COL6A6: variants seen among roughly 807,000 people sequenced by gnomAD.
COL6A6 encodes collagen alpha-6(VI) chain.
In COL6A6, 183 loss-of-function variants were observed where a neutral mutation model predicts 208.6. The observed-to-expected ratio is 0.88, with a 90% CI of 0.78 to 0.99. COL6A6 has a LOEUF of 0.99. Ranked by LOEUF, COL6A6 falls within the 50% of genes least tolerant of loss-of-function variation. The pLI is 0.00. For synonymous variants in COL6A6, 973 were observed against 1,011.8 expected (o/e 0.96, Z 0.73); for missense variants, 2,816 against 2,815.2 (o/e 1.00, Z -0.01).
chr3:130,655,041 G>A (rs781590819), intron 33 of COL6A6, among the ~76,000 whole-genome samples: 6 of 152,062 alleles, frequency 3.9e-5, no homozygotes, highest in Non-Finnish European at 5.9e-5. Flanking sequence ...CATCTCAAAG[G>A]GCCAATCATA....
In COL6A6 at chr3:130,563,412, G is replaced by A. The variant is rs773015252; in HGVS notation, c.409G>A (p.Val137Ile). The A allele has an allele frequency of 6.2e-7, 1 of 1,614,018 alleles. No homozygotes were observed. The highest frequency in any genetic ancestry group is 1.1e-5 in the South Asian group (1 of 91,082). Residue 137 changes from valine to isoleucine, a missense_variant, in exon 3 of 37, where the codon GTC becomes ATC. Val to Ile is a conservative substitution (Grantham distance 29, BLOSUM62 3). Coordinates refer to ENST00000358511, the MANE Select transcript of COL6A6 (RefSeq NM_001102608.3). ...GAAACAGTTTCCCCCAATTCTAGTG[G>A]TCCTGGCTTCATCTGAGTCTGAGGA... Reference protein sequence around the residue: ...DKKQFPPILVVLASSESEDNV... With the variant: ...DKKQFPPILVILASSESEDNV...
At chr3:130,531,975 G>T (rs908171721) in intron 1 of COL6A6, among the ~76,000 whole-genome samples, 3 of 152,158 alleles carry the variant, frequency 2.0e-5, no homozygotes, top group Non-Finnish European at 2.9e-5. Flanking sequence ...GTTTTGGGAG[G>T]TGTGTTTAGG....
Position 130,657,128 on chromosome 3 carries a change from G to A in COL6A6, c.5734-1548G>A, listed in dbSNP as rs145882014. Among the ~76,000 whole-genome samples the A allele has an allele frequency of 2.7e-4, 41 of 152,372 alleles. No individual in the cohort carries two copies. The East Asian group carries it at 7.1e-3, about 27-fold the overall frequency. ...GGTCTGGAGCCACAGCTGGATGGCC[G>A]CAGCTGCATTCAAGGAGCAGGAGGC... On this transcript the variant is annotated intron_variant, in intron 33 of 36. Transcript: ENST00000358511.
intron 31 of COL6A6, among the ~76,000 whole-genome samples, chr3:130,644,151 A>G (rs753597428): frequency 2.6e-5 from 4 of 152,266 alleles, no homozygotes; most frequent in Non-Finnish European, 4.4e-5. Flanking sequence ...AAAAGAAATC[A>G]TAACCATTAA....
intron 28 of COL6A6, among the ~76,000 whole-genome samples, chr3:130,639,602 G>A (rs1414382552): frequency 6.6e-6 from 1 of 151,588 alleles, no homozygotes; most frequent in Non-Finnish European, 1.5e-5. Context: ...TGAGGTGTGA[G>A]GATCACCTGA....
chr3:130,676,349 T>A lies in COL6A6; in HGVS notation c.*952T>A, dbSNP rs1457164285. On this transcript the variant is annotated 3_prime_UTR_variant, in exon 37 of 37. Transcript: ENST00000358511. Reference sequence around the variant, plus strand: ...ATCATTGTTTTAATCTACAAATTCATATGCAGTTGCAGAGATGCAAAAGAG... The same window carrying A: ...ATCATTGTTTTAATCTACAAATTCAAATGCAGTTGCAGAGATGCAAAAGAG... 6.6e-6 allele frequency: 1 copy of A among 152,256 alleles called. No individual in the cohort carries two copies. The highest frequency in any genetic ancestry group is 2.1e-4 in the South Asian group (1 of 4,834). The allele number at this position is 152,256 out of a possible 1,614,324, so 9.4% of individuals were successfully genotyped here. A position where few individuals can be genotyped will look rare whatever the true frequency, so the allele number is the denominator to read the frequency against.
At chr3:130,541,155 T>C (rs923101739) in intron 1 of COL6A6, among the ~76,000 whole-genome samples, 6 of 152,182 alleles carry the variant, frequency 3.9e-5, no homozygotes, top group Non-Finnish European at 7.3e-5. Flanking sequence ...GCAAAGGACA[T>C]GAACAGACAC....
chr3:130,604,920 T>G (rs1417124119), intron 20 of COL6A6, among the ~76,000 whole-genome samples: 1 of 152,204 alleles, frequency 6.6e-6, no homozygotes, highest in African/African-American at 2.4e-5. Context: ...ACCAGATGTA[T>G]CCACCTAAAG....
chr3:130,578,784 A>C (rs937315228), intron 8 of COL6A6, among the ~76,000 whole-genome samples: 28 of 152,212 alleles, frequency 1.8e-4, no homozygotes, highest in African/African-American at 6.8e-4. Context: ...TGAAGGGACC[A>C]GGGCCTCCCT....
Position 130,649,069 on chromosome 3 carries a change from G to A in COL6A6, c.5240G>A (p.Gly1747Glu), listed in dbSNP as rs1035648928. 8.4e-6 allele frequency: 13 copies of A among 1,550,860 alleles called. No individual in the cohort carries two copies. Among genetic ancestry groups the A allele is most frequent in the Middle Eastern group, 1.7e-4 (1 of 5,972 alleles). ...TGTGTTAAGGGATATGGTCTTTTAG[G>A]AAAACCGGAATGCCCAGTGCACCCA... ...YVRDRSPGRHGKPECPVHPTE... is the reference protein window; with the variant it reads ...YVRDRSPGRHEKPECPVHPTE... The change falls in exon 33 of 37, where the codon GGA becomes GAA. Residue 1747 changes from glycine (G) to glutamate (E), a missense_variant and splice_region_variant. Coordinates refer to ENST00000358511, the MANE Select transcript of COL6A6 (RefSeq NM_001102608.3).
At chr3:130,528,580 G>A (rs1408611799) in intron 1 of COL6A6, among the ~76,000 whole-genome samples, 2 of 152,072 alleles carry the variant, frequency 1.3e-5, no homozygotes, top group Non-Finnish European at 2.9e-5. Context: ...AATGGATATG[G>A]GTGTGTTCCA....
chr3:130,553,177 T>G (rs2062686771), intron 1 of COL6A6, among the ~76,000 whole-genome samples: 1 of 152,216 alleles, frequency 6.6e-6, no homozygotes, highest in South Asian at 2.1e-4. Flanking sequence ...GTTTCCTGAA[T>G]TTGAACGTTG....
At chr3:130,571,443 GA>G in intron 7 of COL6A6, 50 bp downstream of exon 7, 1 of 1,372,630 alleles carries the variant, frequency 7.3e-7, no homozygotes, top group Non-Finnish European at 9.8e-7. Context: ...AGGGACAAAT[GA>G]GAGAGAAAGC....
chr3:130,596,819 A>T (rs954540914), intron 18 of COL6A6, among the ~76,000 whole-genome samples: 1 of 152,230 alleles, frequency 6.6e-6, no homozygotes. Flanking sequence ...TAATGATAAA[A>T]TTTTTAAAAA....
intron 1 of COL6A6, among the ~76,000 whole-genome samples, chr3:130,524,501 G>A (rs1302867260): frequency 1.3e-5 from 2 of 152,258 alleles, no homozygotes; most frequent in African/African-American, 2.4e-5. Context: ...AGGCAAAATG[G>A]TGGTTAATGG....
chr3:130,551,130 T>TTC lies in COL6A6; in HGVS notation c.-31-9204_-31-9203insTC, dbSNP rs1553774714. On this transcript the variant is annotated intron_variant, in intron 1 of 36. Coordinates refer to ENST00000358511, the MANE Select transcript of COL6A6 (RefSeq NM_001102608.3). ...ATCTTGGCCTGAAGCTTTTTTTTTT[T>TTC]CTGTGTGTGTGTATGTCTTTCAGGT... Among the ~76,000 whole-genome samples, 1,259 of 150,374 alleles carry TTC rather than the reference T, an allele frequency of 8.4e-3. 7 individuals carry two copies. The highest frequency in any genetic ancestry group is 0.017 in the Middle Eastern group (5 of 292).
chr3:130,662,429 G>A, intron 35 of COL6A6, 121 bp downstream of exon 35: 1 of 877,156 alleles, frequency 1.1e-6, no homozygotes, highest in Non-Finnish European at 1.7e-6. Flanking sequence ...GGCACTTCAG[G>A]GTCAGAAAGG....
At chr3:130,568,762 G>A (rs968082062) in intron 6 of COL6A6, among the ~76,000 whole-genome samples, 158 bp downstream of exon 6, 7 of 152,192 alleles carry the variant, frequency 4.6e-5, no homozygotes, top group Admixed American at 2.6e-4. Flanking sequence ...AACAGACAGT[G>A]AGGAAGAGTT....
chr3:130,545,312 CT>C (rs1045022385), intron 1 of COL6A6, among the ~76,000 whole-genome samples: 7 of 152,234 alleles, frequency 4.6e-5, no homozygotes, highest in Middle Eastern at 3.4e-3. Context: ...TTCTCTCTAA[CT>C]TTTGAAGGGT....
Sources: gnomAD v4.1 joint callset for allele counts (sites outside exome capture counted in the v4.1 genomes callset) on GRCh38, gnomAD v4.1.1 for gene constraint, MANE v1.5 for transcripts, NCBI Gene and HGNC (gene_info 2026-07-23, HGNC 2026-07-21) for gene names.